The following BUB1 variants were observed in gnomAD, a reference collection of about 807,000 sequenced individuals.
BUB1 encodes mitotic checkpoint serine/threonine-protein kinase BUB1.
In BUB1, 84 loss-of-function variants were observed where a neutral mutation model predicts 135.2. That is an observed-to-expected ratio of 0.62 (90% CI 0.52 to 0.74). The LOEUF (loss-of-function observed/expected upper bound fraction) is 0.74, where lower values mean the gene tolerates loss of function less well. Ranked by LOEUF, BUB1 falls within the 30% of genes least tolerant of loss-of-function variation. The probability of loss-of-function intolerance (pLI) is 0.00; values close to 1 mark genes in which losing one functional copy is unlikely to be tolerated. For missense variants in BUB1, 1,162 were observed against 1,288.3 expected, an observed-to-expected ratio of 0.90 and a Z score of 1.50; for synonymous variants, 403 against 434.4, an observed-to-expected ratio of 0.93 and a Z score of 0.90.
At chr2:110,651,415 T>C (rs1270853555) in intron 17 of BUB1, among the ~76,000 whole-genome samples, 4 of 152,188 alleles carry the variant, frequency 2.6e-5, no homozygotes, top group Non-Finnish European at 4.4e-5. Context: ...TTAATGCTTA[T>C]AGAATGATAT....
At chr2:110,664,328 C>A (rs1329117227) in intron 9 of BUB1, among the ~76,000 whole-genome samples, 1 of 152,042 alleles carries the variant, frequency 6.6e-6, no homozygotes, top group African/African-American at 2.4e-5. Flanking sequence ...TGATTCTACA[C>A]CCCTCTAGAG....
chr2:110,667,915 C>A, intron 6 of BUB1, 66 bp from the exon 7 acceptor site: 1 of 1,495,372 alleles, frequency 6.7e-7, no homozygotes, highest in South Asian at 1.2e-5. Flanking sequence ...CAAATTACTT[C>A]ACAAAACAAT....
chr2:110,646,195 A>G (rs1029179840), intron 19 of BUB1, among the ~76,000 whole-genome samples: 3 of 146,550 alleles, frequency 2.0e-5, no homozygotes, highest in African/African-American at 7.6e-5. Context: ...AAAAAGCTGC[A>G]TGTTGTGGTG....
intron 4 of BUB1, among the ~76,000 whole-genome samples, 160 bp downstream of exon 4, chr2:110,672,501 A>G (rs560838584): frequency 3.9e-5 from 6 of 152,368 alleles, no homozygotes; most frequent in African/African-American, 1.2e-4. Context: ...GTTAACAGTA[A>G]TATTTCTGAG....
intron 24 of BUB1, among the ~76,000 whole-genome samples, chr2:110,638,540 G>A (rs1333731081): frequency 6.6e-6 from 1 of 152,176 alleles, no homozygotes; most frequent in Admixed American, 6.5e-5. Context: ...ATATGCACCA[G>A]GACCAAGTAG....
rs779414834 is a variant in BUB1, at chr2:110,641,106, T to A, written c.2883A>T (p.Ile961=). The A allele has an allele frequency of 1.9e-6, 3 of 1,613,694 alleles. No homozygotes were observed. The highest frequency in any genetic ancestry group is 2.5e-6 in the Non-Finnish European group (3 of 1,179,836). The change falls in exon 23 of 25, where the codon ATA becomes ATT. Residue 961 remains isoleucine (I), a synonymous_variant. Transcript: ENST00000302759. ...IDMKLFPKGT[I]FTAKCETSGF... is the part of the protein sequence containing the mutation. ...CAGATGTTTCACACTTTGCTGTGAA[T>A]ATAGTTCCTTTTGGAAAAAGTTTCA...
rs941252699 is a variant in BUB1 at position 110,642,031 on chromosome 2, C to T, written c.2463+88G>A. ...CAACTGTAGATATAAATAAAAACAC[C>T]ACTATCTTAAAGAAAAAAAATTTCT... On this transcript the variant is annotated intron_variant, in intron 20 of 24. Transcript: ENST00000302759. 1.0e-5 allele frequency: 11 copies of T among 1,052,678 alleles called. No individual in the cohort carries two copies. In the African/African-American group the frequency reaches 1.5e-4, roughly 14 times the overall value. The allele number at this position is 1,052,678 out of a possible 1,614,324, so 65.2% of individuals were successfully genotyped here.
rs765527071 is a variant in BUB1 at position 110,658,447 on chromosome 2, T to A, written c.1479A>T (p.Leu493=). The A allele has an allele frequency of 6.2e-7, 1 of 1,614,024 alleles. No homozygotes were observed. The highest frequency in any genetic ancestry group is 2.2e-5 in the East Asian group (1 of 44,868). ...CTTCAAATGCATCTTCATTTTGATC[T>A]AGAGATTGCCATTCATCTTTGTCAT... ...ISDDKDEWQS[L]DQNEDAFEAQ... is the part of the protein sequence containing the mutation. Residue 493 remains leucine (L), a synonymous_variant, in exon 13 of 25, where the codon CTA becomes CTT. Transcript: ENST00000302759.
At position 110,655,645 on chromosome 2, in the gene BUB1, T is replaced by C. The variant is rs143490132; in HGVS notation, c.1876+94A>G. ...ATTTTCAAAGTTCCCATGTGGAATTTCCATGAAGAAAACTACAAGAATCAA... is the reference window on the plus strand; with the variant it reads ...ATTTTCAAAGTTCCCATGTGGAATTCCCATGAAGAAAACTACAAGAATCAA... On this transcript the variant is annotated intron_variant, in intron 16 of 24. Coordinates refer to ENST00000302759, the MANE Select transcript of BUB1 (RefSeq NM_004336.5). 3.9e-4 allele frequency: 464 copies of C among 1,205,034 alleles called. 1 individual carries two copies. The African/African-American group carries it at 6.6e-3, about 17-fold the overall frequency. 74.6% of individuals were successfully genotyped at this position (1,205,034 alleles called of 1,614,324 possible). A position where few individuals can be genotyped will look rare whatever the true frequency, so the allele number is the denominator to read the frequency against.
chr2:110,667,905 C>G (rs1690307126), intron 6 of BUB1, 56 bp from the exon 7 acceptor site: 1 of 1,533,550 alleles, frequency 6.5e-7, no homozygotes, highest in Non-Finnish European at 8.9e-7. Context: ...AAGCTTCACC[C>G]AAATTACTTC....
intron 22 of BUB1, 42 bp from the exon 23 acceptor site, chr2:110,641,247 T>G (rs1689496771): frequency 1.3e-6 from 2 of 1,585,870 alleles, no homozygotes; most frequent in Non-Finnish European, 1.7e-6. Context: ...TGAGCACAAA[T>G]GATGAAAGGC....
chr2:110,638,848 A>G (rs190507971), intron 24 of BUB1, among the ~76,000 whole-genome samples: 132 of 152,356 alleles, frequency 8.7e-4, no homozygotes, highest in Non-Finnish European at 1.5e-3. Context: ...AATAGTTGTT[A>G]TAAGCTTTCC....
chr2:110,667,453 T>C lies in BUB1; in HGVS notation c.805+68A>G. 3.5e-6 allele frequency: 5 copies of C among 1,421,556 alleles called. No individual in the cohort carries two copies. In the South Asian group the frequency reaches 6.9e-5, roughly 20 times the overall value. The allele number at this position is 1,421,556 out of a possible 1,614,324, so 88.1% of individuals were successfully genotyped here. A position where few individuals can be genotyped will look rare whatever the true frequency, so the allele number is the denominator to read the frequency against. On this transcript the variant is annotated intron_variant, in intron 8 of 24. Transcript: ENST00000302759. ...CATAGTCAATTATTCTTTAAAAAAG[T>C]AATTACTCAGAGATGAGGATTTTTT...
At chr2:110,655,940 A>T in intron 15 of BUB1, 24 bp from the exon 16 acceptor site, 1 of 1,604,786 alleles carries the variant, frequency 6.2e-7, no homozygotes, top group East Asian at 2.2e-5. Context: ...TGAAATGAAA[A>T]AAAAGCAGCA....
At chr2:110,639,696 A>T (rs1250418106) in intron 24 of BUB1, 46 bp downstream of exon 24, 9 of 1,415,842 alleles carry the variant, frequency 6.4e-6, no homozygotes, top group Non-Finnish European at 8.0e-6. Context: ...CCAACATTCT[A>T]CTTTAGTTAT....
At chr2:110,643,095 T>C (rs1338698153) in intron 19 of BUB1, among the ~76,000 whole-genome samples, 2 of 152,182 alleles carry the variant, frequency 1.3e-5, no homozygotes, top group African/African-American at 2.4e-5. Flanking sequence ...TATGAGGAGC[T>C]TGGAGTCATC....
Position 110,639,770 on chromosome 2 carries a change from C to G in BUB1, c.3034G>C (p.Glu1012Gln). ...CTAAAAAGACCTTCAGGCTTACACT[C>G]TCCTCCTTCATTTTTCACTTTCATG... ...TYMKVKNEGG[E>Q]CKPEGLFRRL... Residue 1012 changes from glutamate to glutamine, a missense_variant, in exon 24 of 25, where the codon GAG becomes CAG. By Grantham distance (29) the Glu-to-Gln change is conservative. Coordinates refer to ENST00000302759, the MANE Select transcript of BUB1 (RefSeq NM_004336.5). 6.2e-7 allele frequency: 1 copy of G among 1,613,894 alleles called. No homozygotes were observed. The highest frequency in any genetic ancestry group is 8.5e-7 in the Non-Finnish European group (1 of 1,179,892).
intron 19 of BUB1, among the ~76,000 whole-genome samples, chr2:110,646,196 T>C (rs919604568): frequency 7.1e-6 from 1 of 141,834 alleles, no homozygotes; most frequent in Non-Finnish European, 1.5e-5. Context: ...AAAAGCTGCA[T>C]GTTGTGGTGC....
intron 1 of BUB1, chr2:110,675,174 C>A: frequency 6.6e-6 from 1 of 152,324 alleles, no homozygotes; most frequent in Non-Finnish European, 1.5e-5. Context: ...AAAAAAGCAG[C>A]CAGGCAAAGC....
Sources: gnomAD v4.1 joint callset for allele counts (sites outside exome capture counted in the v4.1 genomes callset) on GRCh38, gnomAD v4.1.1 for gene constraint, MANE v1.5 for transcripts, NCBI Gene and HGNC (gene_info 2026-07-23, HGNC 2026-07-21) for gene names.